VPS13D: variants seen among roughly 807,000 people sequenced by gnomAD.
The protein encoded by VPS13D is vacuolar protein sorting 13 homolog D.
A neutral mutation model predicts 461.9 loss-of-function variants in VPS13D; 187 were observed. The observed-to-expected ratio is 0.40, with a 90% CI of 0.36 to 0.46. The LOEUF (loss-of-function observed/expected upper bound fraction) is 0.46. Among genes scored for constraint, VPS13D ranks in the 20% least tolerant of loss-of-function variants. The probability of loss-of-function intolerance (pLI) is 0.60; values close to 1 mark genes in which losing one functional copy is unlikely to be tolerated. For missense variants in VPS13D, 4,711 were observed against 5,364.9 expected (o/e 0.88, Z 3.81); for synonymous variants, 1,951 against 1,986.3 (o/e 0.98, Z 0.47).
chr1:12,404,266 G>C (rs981688730), intron 63 of VPS13D, among the ~76,000 whole-genome samples: 4 of 151,756 alleles, frequency 2.6e-5, no homozygotes, highest in African/African-American at 9.7e-5. Flanking sequence ...TTTGCTCTCT[G>C]TTTAGCTCCT....
At chr1:12,342,580 C>T (rs568294303) in intron 41 of VPS13D, among the ~76,000 whole-genome samples, 24 of 152,320 alleles carry the variant, frequency 1.6e-4, no homozygotes, top group African/African-American at 5.5e-4. Flanking sequence ...CAGTGTAGGT[C>T]TGTTAAATTC....
In VPS13D at chr1:12,285,681, T is replaced by C. The variant is rs140977184; in HGVS notation, c.5634+1945T>C. 5.6e-3 allele frequency among the ~76,000 whole-genome samples: 858 copies of C among 152,330 alleles called. 27 individuals are homozygous for C. The highest frequency in any genetic ancestry group is 0.045 in the Admixed American group (694 of 15,292). On this transcript the variant is annotated intron_variant, in intron 21 of 69. Transcript: ENST00000620676. ...TAAAAAAACAATGGACATACCACAA[T>C]GCATTGTCACGTCCAACTAACAAGA... is the stretch of plus-strand genomic sequence containing the variant.
chr1:12,304,628 G>A lies in VPS13D; in HGVS notation c.6339G>A (p.Met2113Ile). The change falls in exon 26 of 70, where the codon ATG (methionine) becomes ATA (isoleucine). Residue 2113 changes from methionine (M) to isoleucine (I), a missense_variant. Physicochemically the swap from Met to Ile is conservative, Grantham distance 10. Coordinates refer to ENST00000620676, the MANE Select transcript of VPS13D (RefSeq NM_015378.4). ...QGQFTMPLAG[M>I]SLGSLKSEFV... ...AGTTCACGATGCCTCTTGCTGGAAT[G>A]AGCCTAGGAAGCCTGAAGAGTGAGT... 6.2e-7 allele frequency: 1 copy of A among 1,614,002 alleles called. No homozygotes were observed. The highest frequency in any genetic ancestry group is 8.5e-7 in the Non-Finnish European group (1 of 1,180,042).
chr1:12,476,872 G>A (rs1028613391), intron 67 of VPS13D, among the ~76,000 whole-genome samples: 2 of 152,206 alleles, frequency 1.3e-5, no homozygotes, highest in African/African-American at 4.8e-5. Flanking sequence ...TCCAAACACA[G>A]TAGACAAGGA....
At position 12,293,721 on chromosome 1, in the gene VPS13D, C is replaced by G. The variant is rs781520268; in HGVS notation, c.6033+17C>G. ...GGGCAGACGGTAGGTAGCCTGGGCC[C>G]TCCAAGCTGCTTTTCCAGTTTGACT... On this transcript the variant is annotated intron_variant, in intron 24 of 69. Transcript: ENST00000620676. 1.5e-5 allele frequency: 24 copies of G among 1,606,786 alleles called. 1 individual carries two copies. In the Admixed American group the frequency reaches 3.9e-4, roughly 26 times the overall value.
chr1:12,349,053 T>G, intron 45 of VPS13D, 80 bp downstream of exon 45: 1 of 1,608,994 alleles, frequency 6.2e-7, no homozygotes, highest in Non-Finnish European at 8.5e-7. Context: ...TCCCCAGTGG[T>G]ATCTTCCCCA....
intron 47 of VPS13D, 47 bp from the exon 48 acceptor site, chr1:12,355,852 G>T: frequency 6.9e-7 from 1 of 1,452,210 alleles, no homozygotes; most frequent in South Asian, 1.6e-5. Context: ...GAGCTATTTT[G>T]ACAAATAGTG....
intron 54 of VPS13D, among the ~76,000 whole-genome samples, chr1:12,372,395 A>G (rs1644132390): frequency 6.6e-6 from 1 of 151,984 alleles, no homozygotes; most frequent in Non-Finnish European, 1.5e-5. Flanking sequence ...GTTTTAAATG[A>G]TACCCATCCT....
chr1:12,303,712 C>G (rs1481881584), intron 25 of VPS13D, among the ~76,000 whole-genome samples: 2 of 152,158 alleles, frequency 1.3e-5, no homozygotes, highest in Non-Finnish European at 2.9e-5. Context: ...TCCTCTCTTC[C>G]CAGATTCGGT....
chr1:12,262,203 G>A (rs770038448), intron 13 of VPS13D, 123 bp downstream of exon 13: 15 of 1,057,824 alleles, frequency 1.4e-5, no homozygotes, highest in Non-Finnish European at 1.7e-5. Context: ...ATTAGCTAAT[G>A]TGGAACCATT....
intron 65 of VPS13D, among the ~76,000 whole-genome samples, chr1:12,455,351 T>G (rs1164269292): frequency 6.6e-6 from 1 of 152,228 alleles, no homozygotes; most frequent in African/African-American, 2.4e-5. Context: ...CCACTAATTC[T>G]TAGAGCAAAG....
intron 30 of VPS13D, among the ~76,000 whole-genome samples, chr1:12,315,030 A>G (rs1159704583): frequency 6.6e-6 from 1 of 152,222 alleles, no homozygotes; most frequent in Admixed American, 6.5e-5. Context: ...GGCAGCTGTC[A>G]TTGTTATGCT....
chr1:12,503,736 C>T (rs1195441289), intron 68 of VPS13D, among the ~76,000 whole-genome samples: 1 of 152,176 alleles, frequency 6.6e-6, no homozygotes, highest in East Asian at 1.9e-4. Flanking sequence ...CCACCTGAGA[C>T]CACGGTGGCC....
At chr1:12,324,823 G>A (rs920095532) in intron 35 of VPS13D, among the ~76,000 whole-genome samples, 1 of 151,980 alleles carries the variant, frequency 6.6e-6, no homozygotes, top group Non-Finnish European at 1.5e-5. Context: ...TTTTCTTTTT[G>A]CATCCTCTTC....
intron 35 of VPS13D, among the ~76,000 whole-genome samples, chr1:12,325,362 T>C (rs554279885): frequency 1.3e-4 from 20 of 152,198 alleles, no homozygotes; most frequent in African/African-American, 4.8e-4. Flanking sequence ...CAGGTTCAAG[T>C]GATACTCCTG....
At chr1:12,478,855 G>A (rs1187178822) in intron 67 of VPS13D, 1 of 456,068 alleles carries the variant, frequency 2.2e-6, no homozygotes, top group Non-Finnish European at 4.4e-6. Context: ...TCTCCAAGGA[G>A]GCCGCATCGG....
Position 12,497,580 on chromosome 1 carries a change from C to T in VPS13D, c.12743C>T (p.Ala4248Val), listed in dbSNP as rs779850187. Residue 4248 changes from alanine (A) to valine (V), a missense_variant, in exon 68 of 70, where the codon GCG (alanine) becomes GTG (valine). Coordinates refer to ENST00000620676, the MANE Select transcript of VPS13D (RefSeq NM_015378.4). ...GLLPRYSESQ[A>V]EGQEQLFKLT... ...CTTCCCCGATATTCTGAGAGCCAGG[C>T]GGAAGGACAGGAGCAGCTCTTCAAA... 8 of 1,614,056 alleles carry T rather than the reference C, an allele frequency of 5.0e-6. No individual in the cohort carries two copies. In the Admixed American group the frequency reaches 5.0e-5, roughly 10 times the overall value.
At chr1:12,409,032 A>G (rs1371597450) in intron 63 of VPS13D, among the ~76,000 whole-genome samples, 1 of 152,056 alleles carries the variant, frequency 6.6e-6, no homozygotes. Context: ...GTCTTTGATG[A>G]AAGTTGCAAG....
chr1:12,353,232 A>T (rs891415129), intron 46 of VPS13D, among the ~76,000 whole-genome samples: 1 of 152,038 alleles, frequency 6.6e-6, no homozygotes, highest in African/African-American at 2.4e-5. Context: ...TGAGACTTTA[A>T]GTTTTAGAAG....
Sources: allele counts gnomAD v4.1 joint callset (sites outside exome capture counted in the v4.1 genomes callset), GRCh38; gene constraint gnomAD v4.1.1; transcripts MANE v1.5; gene names NCBI Gene and HGNC (gene_info 2026-07-23, HGNC 2026-07-21).